The following SEZ6 variants were observed in gnomAD, a reference collection of about 807,000 sequenced individuals.
SEZ6 encodes seizure related 6 homolog, also known as seizure protein 6 homolog.
In SEZ6, 53 loss-of-function variants were observed where a neutral mutation model predicts 101.0. The observed-to-expected ratio is 0.52, with a 90% CI of 0.42 to 0.66. The LOEUF is 0.66. SEZ6 is among the 30% of genes least tolerant of loss of function. The pLI is 0.00. For synonymous variants in SEZ6, 488 were observed against 512.2 expected, an observed-to-expected ratio of 0.95 and a Z score of 0.64; for missense variants, 1,102 against 1,289.4, an observed-to-expected ratio of 0.85 and a Z score of 2.23.
chr17:28,979,928 G>A lies in SEZ6; in HGVS notation c.725-115C>T, dbSNP rs990416443. 4.6e-6 allele frequency: 5 copies of A among 1,084,468 alleles called. No homozygotes were observed. The African/African-American group carries it at 6.5e-5, about 14-fold the overall frequency. The allele number at this position is 1,084,468 out of a possible 1,614,324, so 67.2% of individuals were successfully genotyped here. On this transcript the variant is annotated intron_variant, in intron 2 of 16. Coordinates refer to ENST00000317338, the MANE Select transcript of SEZ6 (RefSeq NM_178860.5). The stretch of plus-strand genomic sequence containing the variant: ...GTGTGTGTGTGTGTGTGTGTGTGGT[G>A]AAGACCACCTCTTGTGATGTCTAGT...
chr17:28,991,015 C>T (rs1378704736), intron 1 of SEZ6, among the ~76,000 whole-genome samples: 1 of 151,722 alleles, frequency 6.6e-6, no homozygotes, highest in African/African-American at 2.4e-5. Context: ...AAGCAATTTT[C>T]CTGTCTCAGC....
rs2041300825 is a variant in SEZ6 at position 28,981,421 on chromosome 17, G to A, written c.674C>T (p.Thr225Ile). 1 of 1,555,894 alleles carries A rather than the reference G, an allele frequency of 6.4e-7. No homozygotes were observed. The highest frequency in any genetic ancestry group is 2.4e-5 in the East Asian group (1 of 41,274). ...STASGDDEET[T>I]TTTTIITTTI... Reference sequence around the variant, plus strand: ...GGTGGTGATGATGGTGGTGGTAGTGGTGGTCTCCTCATCATCTCCTGAAGC... The same window carrying A: ...GGTGGTGATGATGGTGGTGGTAGTGATGGTCTCCTCATCATCTCCTGAAGC... Residue 225 changes from threonine (T) to isoleucine (I), a missense_variant, in exon 2 of 17, where the codon ACC becomes ATC. This residue lies in a region of SEZ6 where 406 missense variants were observed against 418.6 expected (regional missense o/e 0.97). Transcript: ENST00000317338.
intron 4 of SEZ6, among the ~76,000 whole-genome samples, chr17:28,964,857 G>C (rs957940309): frequency 6.6e-6 from 1 of 151,994 alleles, no homozygotes; most frequent in African/African-American, 2.4e-5. Context: ...GGGAGTTCGA[G>C]ACAAGCCTGA....
rs371294957 is a variant in SEZ6, at chr17:28,996,458, G to C, written c.55+9357C>G. On this transcript the variant is annotated intron_variant, in intron 1 of 16. Transcript: ENST00000317338. The stretch of plus-strand genomic sequence containing the variant: ...CTTCACTTCCCCAGCAAACCTGAGT[G>C]GGGGAGGGGAGGGGTGCAGAGCTGC... Among the ~76,000 whole-genome samples, 31 of 152,254 alleles carry C rather than the reference G, an allele frequency of 2.0e-4. No homozygotes were observed. The South Asian group carries it at 6.0e-3, about 30-fold the overall frequency.
At chr17:28,960,729 C>A in intron 6 of SEZ6, 58 bp from the exon 7 acceptor site, 2 of 1,611,730 alleles carry the variant, frequency 1.2e-6, no homozygotes, top group South Asian at 2.2e-5. Flanking sequence ...GGGGTGTGGC[C>A]CCAGGCTTGG....
chr17:29,005,078 G>GGGGTGTGT lies in SEZ6; in HGVS notation c.55+736_55+737insACACACCC, dbSNP rs1463533476. On this transcript the variant is annotated intron_variant, in intron 1 of 16. Coordinates refer to ENST00000317338, the MANE Select transcript of SEZ6 (RefSeq NM_178860.5). This position sits in a 1 kb window ranked among gnomAD's most constrained non-coding sequence, Gnocchi z 4.8. The stretch of plus-strand genomic sequence containing the variant: ...GGAGGGAGGCAGAGCTCGGGGCAGT[G>GGGGTGTGT]GTGTGTGTGTGTGTGTGTGTGTGTG... Among the ~76,000 whole-genome samples the GGGGTGTGT allele has an allele frequency of 7.3e-6, 1 of 137,676 alleles. No individual in the cohort carries two copies. Among genetic ancestry groups the GGGGTGTGT allele is most frequent in the African/African-American group, 2.8e-5 (1 of 36,066 alleles). The allele number at this position is 137,676 out of a possible 152,430, so 90.3% of individuals were successfully genotyped here. A position where few individuals can be genotyped will look rare whatever the true frequency, so the allele number is the denominator to read the frequency against.
At chr17:28,958,324 C>T (rs998430204) in intron 10 of SEZ6, among the ~76,000 whole-genome samples, 183 bp from the exon 11 acceptor site, 3 of 152,152 alleles carry the variant, frequency 2.0e-5, no homozygotes, top group Non-Finnish European at 4.4e-5. Context: ...TGCTCTGTCT[C>T]CTAGATTCCA....
Position 29,005,862 on chromosome 17 carries a change from G to T in SEZ6, c.8C>A (p.Pro3Gln). 4.1e-6 allele frequency: 6 copies of T among 1,472,898 alleles called. No individual in the cohort carries two copies. The highest frequency in any genetic ancestry group is 5.4e-6 in the Non-Finnish European group (6 of 1,112,024). The allele number at this position is 1,472,898 out of a possible 1,614,324, so 91.2% of individuals were successfully genotyped here. Reference protein sequence around the residue: MRPVALLLLPSLL... With the variant: MRQVALLLLPSLL... ...CGAGGGCAGGAGCAGCAGGGCTACC[G>T]GGCGCATGGTGCTGGTTGCGGCCGC... is the stretch of plus-strand genomic sequence containing the variant. Residue 3 changes from proline to glutamine, a missense_variant, in exon 1 of 17, where the codon CCG (proline) becomes CAG (glutamine). By Grantham distance (76) the Pro-to-Gln change is moderately conservative. Coordinates refer to ENST00000317338, the MANE Select transcript of SEZ6 (RefSeq NM_178860.5). The surrounding 1 kb of genome is among the most constrained non-coding windows in gnomAD (Gnocchi z 4.8).
At chr17:28,969,168 T>A (rs886125701) in intron 4 of SEZ6, among the ~76,000 whole-genome samples, 3 of 152,172 alleles carry the variant, frequency 2.0e-5, no homozygotes, top group Admixed American at 2.0e-4. Flanking sequence ...AGTCTGTGAT[T>A]TTTTTTCATT....
At chr17:28,978,352 C>T (rs2041254357) in intron 3 of SEZ6, among the ~76,000 whole-genome samples, 1 of 152,236 alleles carries the variant, frequency 6.6e-6, no homozygotes, top group Non-Finnish European at 1.5e-5. Context: ...CCATTCTGGG[C>T]TCTGCACTAC....
intron 3 of SEZ6, among the ~76,000 whole-genome samples, chr17:28,974,431 C>T (rs1020225106): frequency 1.3e-5 from 2 of 152,210 alleles, no homozygotes; most frequent in African/African-American, 4.8e-5. Flanking sequence ...TTCGCATGCC[C>T]TCACACACCC....
intron 7 of SEZ6, 59 bp downstream of exon 7, chr17:28,960,446 C>G: frequency 1.9e-6 from 3 of 1,548,194 alleles, no homozygotes; most frequent in Non-Finnish European, 2.6e-6. Flanking sequence ...GAGAAAGACC[C>G]TAGGCCCGAG....
In SEZ6 at chr17:28,956,209, T is replaced by TGTAGGGGCGGGGGCG; in HGVS notation, c.2887_2901dup (p.Arg963_Tyr967dup). The TGTAGGGGCGGGGGCG allele has an allele frequency of 3.5e-6, 1 of 288,750 alleles. No individual in the cohort carries two copies. Among genetic ancestry groups the TGTAGGGGCGGGGGCG allele is most frequent in the Non-Finnish European group, 6.3e-6 (1 of 158,338 alleles). 17.9% of individuals were successfully genotyped at this position (288,750 alleles called of 1,614,324 possible). On this transcript the variant is annotated inframe_insertion, in exon 16 of 17. Transcript: ENST00000317338. ...AACGCTGACTCTATGGTAATGCGGT[T>TGTAGGGGCGGGGGCG]GTAGGGGCGGGGGCGGGGGCGGGGC...
rs1435029422 is a variant in SEZ6 at position 29,005,864 on chromosome 17, G to A, written c.6C>T (p.Arg2=). The A allele has an allele frequency of 2.7e-6, 4 of 1,471,818 alleles. No individual in the cohort carries two copies. In the Admixed American group the frequency reaches 8.7e-5, roughly 32 times the overall value. The allele number at this position is 1,471,818 out of a possible 1,614,324, so 91.2% of individuals were successfully genotyped here. M[R]PVALLLLPSL... Reference sequence around the variant, plus strand: ...AGGGCAGGAGCAGCAGGGCTACCGGGCGCATGGTGCTGGTTGCGGCCGCGC... The same window carrying A: ...AGGGCAGGAGCAGCAGGGCTACCGGACGCATGGTGCTGGTTGCGGCCGCGC... Residue 2 remains arginine (R), a synonymous_variant, in exon 1 of 17, where the codon CGC becomes CGT. Coordinates refer to ENST00000317338, the MANE Select transcript of SEZ6 (RefSeq NM_178860.5). This position sits in a 1 kb window ranked among gnomAD's most constrained non-coding sequence, Gnocchi z 4.8.
intron 1 of SEZ6, among the ~76,000 whole-genome samples, chr17:28,985,253 C>T (rs543029610): frequency 2.6e-5 from 4 of 152,210 alleles, no homozygotes; most frequent in African/African-American, 4.8e-5. Flanking sequence ...GAAGATCTCA[C>T]GCCATTTAGA....
At chr17:28,987,101 G>A (rs2041395647) in intron 1 of SEZ6, among the ~76,000 whole-genome samples, 1 of 152,180 alleles carries the variant, frequency 6.6e-6, no homozygotes, top group South Asian at 2.1e-4. Context: ...GCGGGCAGGG[G>A]GCCCACTCCT....
chr17:28,992,657 G>T (rs1424720489), intron 1 of SEZ6, among the ~76,000 whole-genome samples: 1 of 152,188 alleles, frequency 6.6e-6, no homozygotes, highest in Non-Finnish European at 1.5e-5. Context: ...GTCCTGGACA[G>T]CGTCTCAGGC....
At chr17:28,973,627 C>T (rs2041183173) in intron 3 of SEZ6, among the ~76,000 whole-genome samples, 1 of 152,242 alleles carries the variant, frequency 6.6e-6, no homozygotes, top group African/African-American at 2.4e-5. Context: ...CTCTGGTCCC[C>T]TGGGTTTCAA....
intron 4 of SEZ6, among the ~76,000 whole-genome samples, chr17:28,966,092 G>C (rs2041062058): frequency 1.3e-5 from 2 of 150,994 alleles, no homozygotes; most frequent in Admixed American, 1.3e-4. Context: ...GCAGTGAGTC[G>C]ATATCATGCC....
Sources: allele counts gnomAD v4.1 joint callset (sites outside exome capture counted in the v4.1 genomes callset), GRCh38; gene constraint gnomAD v4.1.1; regional missense constraint gnomAD v4.1.1; non-coding constraint Gnocchi (gnomAD v3.1); transcripts MANE v1.5; gene names NCBI Gene and HGNC (gene_info 2026-07-23, HGNC 2026-07-21).